The following EDIL3 variants were observed in gnomAD, a reference collection of about 807,000 sequenced individuals.
EDIL3 encodes the protein EGF like and discoidin domains 3.
In EDIL3, 37 loss-of-function variants were observed where a neutral mutation model predicts 67.4. The ratio of observed to expected loss-of-function variants is 0.55; its 90% CI spans 0.42 to 0.72. The LOEUF (loss-of-function observed/expected upper bound fraction) is 0.72. Ranked by LOEUF, EDIL3 falls within the 30% of genes least tolerant of loss-of-function variation. The probability of loss-of-function intolerance (pLI) is 0.00; values close to 1 mark genes in which losing one functional copy is unlikely to be tolerated. For missense variants in EDIL3, 527 were observed against 586.3 expected, an observed-to-expected ratio of 0.90 and a Z score of 1.04; for synonymous variants, 195 against 196.3, an observed-to-expected ratio of 0.99 and a Z score of 0.05.
chr5:84,263,939 C>T, intron 1 of EDIL3, among the ~76,000 whole-genome samples: 1 of 152,140 alleles, frequency 6.6e-6, no homozygotes, highest in East Asian at 1.9e-4. Flanking sequence ...GCCTGGATGA[C>T]ACAAACTGAA....
At chr5:84,364,504 T>C (rs75082970) in intron 1 of EDIL3, among the ~76,000 whole-genome samples, 11,154 of 152,170 alleles carry the variant, frequency 0.073, 571 homozygotes, top group South Asian at 0.18. Context: ...ATGATCTTCA[T>C]CCCTTGATGT....
In EDIL3 at chr5:84,174,595, G is replaced by C. The variant is rs139528685; in HGVS notation, c.355+5798C>G. On this transcript the variant is annotated intron_variant, in intron 4 of 10. Transcript: ENST00000296591. ...GAGGATGGATGGTTGATGCAGAGAG[G>C]GTCCAAGGTTCAAGCGTTTTGGTCA... Among the ~76,000 whole-genome samples the C allele has an allele frequency of 4.1e-3, 624 of 152,196 alleles. 5 individuals are homozygous for C. Among genetic ancestry groups the C allele is most frequent in the African/African-American group, 0.014 (582 of 41,520 alleles).
At chr5:84,322,145 CA>C (rs1746661075) in intron 1 of EDIL3, among the ~76,000 whole-genome samples, 1 of 151,010 alleles carries the variant, frequency 6.6e-6, no homozygotes, top group South Asian at 2.1e-4. Context: ...TAATTAGATT[CA>C]AATGTCCAGT....
At chr5:84,128,321 C>T (rs1165013350) in intron 5 of EDIL3, among the ~76,000 whole-genome samples, 1 of 152,086 alleles carries the variant, frequency 6.6e-6, no homozygotes, top group Non-Finnish European at 1.5e-5. Flanking sequence ...GCGTTTGTCT[C>T]TGCTTTTATC....
intron 1 of EDIL3, among the ~76,000 whole-genome samples, chr5:84,291,757 T>TAG (rs1745927095): frequency 6.8e-6 from 1 of 147,620 alleles, no homozygotes; most frequent in Non-Finnish European, 1.5e-5. Context: ...TATATCTATA[T>TAG]ATCTATATAT....
At chr5:84,084,779 A>G (rs772239559) in intron 6 of EDIL3, among the ~76,000 whole-genome samples, 1 of 152,224 alleles carries the variant, frequency 6.6e-6, no homozygotes, top group African/African-American at 2.4e-5. Flanking sequence ...TTGAAACACA[A>G]GAACATTATA....
chr5:84,135,032 C>T (rs1170898836), intron 5 of EDIL3, among the ~76,000 whole-genome samples: 1 of 152,152 alleles, frequency 6.6e-6, no homozygotes, highest in Non-Finnish European at 1.5e-5. Context: ...GGGCCTCTCT[C>T]CCTCTTTCAT....
chr5:84,216,102 T>C (rs146942135), intron 3 of EDIL3, among the ~76,000 whole-genome samples: 43 of 152,206 alleles, frequency 2.8e-4, no homozygotes, highest in African/African-American at 9.6e-4. Context: ...TAAATGAAGC[T>C]AAAAAGACCT....
chr5:84,318,278 AT>A, intron 1 of EDIL3, among the ~76,000 whole-genome samples: 1 of 152,108 alleles, frequency 6.6e-6, no homozygotes, highest in Non-Finnish European at 1.5e-5. Flanking sequence ...AGCTACCACA[AT>A]TTTCCTCACA....
At chr5:84,265,047 T>C (rs1745319434) in intron 1 of EDIL3, among the ~76,000 whole-genome samples, 1 of 152,156 alleles carries the variant, frequency 6.6e-6, no homozygotes, top group African/African-American at 2.4e-5. Flanking sequence ...CAAAGTCACC[T>C]AAAAGAAGAA....
intron 9 of EDIL3, among the ~76,000 whole-genome samples, chr5:84,009,337 G>C (rs1745479144): frequency 6.6e-6 from 1 of 152,136 alleles, no homozygotes; most frequent in Admixed American, 6.6e-5. Flanking sequence ...TGACCATTTT[G>C]CTATAGGGCC....
intron 2 of EDIL3, among the ~76,000 whole-genome samples, chr5:84,242,311 G>A (rs1482609196): frequency 6.6e-6 from 1 of 152,044 alleles, no homozygotes; most frequent in Non-Finnish European, 1.5e-5. Flanking sequence ...AAAGTAAGGT[G>A]GAGAGAGATT....
chr5:83,983,424 G>A (rs1392386987), intron 9 of EDIL3, among the ~76,000 whole-genome samples: 1 of 152,024 alleles, frequency 6.6e-6, no homozygotes, highest in East Asian at 1.9e-4. Flanking sequence ...TTAAAATATA[G>A]CAAGATCAAT....
chr5:84,191,769 T>A (rs1462233535), intron 3 of EDIL3, among the ~76,000 whole-genome samples: 3 of 152,050 alleles, frequency 2.0e-5, no homozygotes, highest in Admixed American at 1.3e-4. Flanking sequence ...CAGCAACAGT[T>A]AACTTTGTTT....
chr5:84,364,794 A>G (rs2112205078), intron 1 of EDIL3, among the ~76,000 whole-genome samples: 1 of 152,080 alleles, frequency 6.6e-6, no homozygotes, highest in African/African-American at 2.4e-5. Context: ...TTGTTACTTT[A>G]GAAATAGGTA....
intron 1 of EDIL3, among the ~76,000 whole-genome samples, chr5:84,330,168 G>C (rs921072084): frequency 6.6e-6 from 1 of 152,108 alleles, no homozygotes; most frequent in African/African-American, 2.4e-5. Context: ...GTAAGACAGA[G>C]ACTAACATTG....
chr5:84,205,253 T>C (rs113593061), intron 3 of EDIL3, among the ~76,000 whole-genome samples: 1,544 of 152,184 alleles, frequency 0.01, 32 homozygotes, highest in African/African-American at 0.035. Context: ...TATATATATA[T>C]ACCTATATGT....
At chr5:84,304,269 G>C (rs1746221651) in intron 1 of EDIL3, among the ~76,000 whole-genome samples, 1 of 152,138 alleles carries the variant, frequency 6.6e-6, no homozygotes, top group South Asian at 2.1e-4. Context: ...TAACATGTCT[G>C]ATTAAATTTT....
At chr5:84,212,840 GA>G (rs1744156227) in intron 3 of EDIL3, among the ~76,000 whole-genome samples, 2 of 152,066 alleles carry the variant, frequency 1.3e-5, no homozygotes, top group African/African-American at 4.8e-5. Context: ...GGAGGGAAAG[GA>G]AAGAATGTCT....
Sources: allele counts gnomAD v4.1 joint callset (sites outside exome capture counted in the v4.1 genomes callset), GRCh38; gene constraint gnomAD v4.1.1; transcripts MANE v1.5; gene names NCBI Gene and HGNC (gene_info 2026-07-23, HGNC 2026-07-21).